Variants in SUMF1 observed in about 807,000 individuals in gnomAD.
SUMF1 encodes the protein formylglycine-generating enzyme.
In SUMF1, 48 loss-of-function variants were observed where a neutral mutation model predicts 47.6. The observed-to-expected ratio is 1.01, with a 90% CI of 0.80 to 1.28. SUMF1 has a LOEUF of 1.28. Ranked by LOEUF, SUMF1 falls within the 50% of genes most tolerant of loss-of-function variation. The probability of loss-of-function intolerance (pLI) is 0.00; values close to 1 mark genes in which losing one functional copy is unlikely to be tolerated. For missense variants in SUMF1, 571 were observed against 485.4 expected (o/e 1.18, Z -1.66); for synonymous variants, 230 against 192.1 (o/e 1.20, Z -1.63).
chr3:4,262,623 G>A (rs565576760), intron 8 of SUMF1, among the ~76,000 whole-genome samples: 1 of 152,148 alleles, frequency 6.6e-6, no homozygotes, highest in East Asian at 1.9e-4. Flanking sequence ...GCAGCTTTAG[G>A]CTTTACATTC....
intron 8 of SUMF1, among the ~76,000 whole-genome samples, chr3:4,166,006 C>T (rs993886780): frequency 1.3e-5 from 2 of 152,050 alleles, no homozygotes; most frequent in Non-Finnish European, 2.9e-5. Context: ...AATAGTTGAG[C>T]TCACCAATGC....
intron 8 of SUMF1, among the ~76,000 whole-genome samples, chr3:4,289,017 C>T (rs573287144): frequency 1.3e-5 from 2 of 152,330 alleles, no homozygotes; most frequent in African/African-American, 4.8e-5. Flanking sequence ...TATCACACAA[C>T]CTTTTCTGCT....
intron 1 of SUMF1, among the ~76,000 whole-genome samples, chr3:4,463,153 T>C (rs2079857247): frequency 6.6e-6 from 1 of 152,174 alleles, no homozygotes. Flanking sequence ...GATTAAAACA[T>C]CTAAAAATGC....
At chr3:4,344,387 C>G (rs1472532087) in intron 8 of SUMF1, among the ~76,000 whole-genome samples, 1 of 152,140 alleles carries the variant, frequency 6.6e-6, no homozygotes, top group Non-Finnish European at 1.5e-5. Context: ...AGGAGCAAAT[C>G]AGACGAATAA....
chr3:4,226,100 C>A (rs562449034), intron 8 of SUMF1, among the ~76,000 whole-genome samples: 4 of 152,036 alleles, frequency 2.6e-5, no homozygotes, highest in Non-Finnish European at 5.9e-5. Flanking sequence ...TACATAGGAT[C>A]TACCCGCTCG....
At chr3:4,243,418 T>C (rs1031241038) in intron 8 of SUMF1, among the ~76,000 whole-genome samples, 45 of 152,372 alleles carry the variant, frequency 3.0e-4, no homozygotes, top group African/African-American at 9.9e-4. Context: ...AATTTCCCTC[T>C]ATACACTGCT....
chr3:4,074,124 A>C (rs1040846767), intron 8 of SUMF1, among the ~76,000 whole-genome samples: 1 of 152,202 alleles, frequency 6.6e-6, no homozygotes, highest in Non-Finnish European at 1.5e-5. Flanking sequence ...AAGAACAGAA[A>C]TCACAACAAA....
At chr3:4,232,655 T>C (rs1321639964) in intron 8 of SUMF1, among the ~76,000 whole-genome samples, 1 of 152,052 alleles carries the variant, frequency 6.6e-6, no homozygotes, top group Non-Finnish European at 1.5e-5. Context: ...GTATCTGTAT[T>C]TGTTTGGTTA....
At position 4,344,900 on chromosome 3, in the gene SUMF1, T is replaced by C. The variant is rs114497673; in HGVS notation, c.1014+31430A>G. ...TTCGTGAAGCATACACAAGTGTCAA[T>C]AGCCAAATACAGCAAGCGGAAGAAA... On this transcript the variant is annotated intron_variant and NMD_transcript_variant, in intron 8 of 12. Transcript: ENST00000448413. Among the ~76,000 whole-genome samples the C allele has an allele frequency of 4.8e-3, 734 of 151,910 alleles. 7 individuals carry two copies. The highest frequency in any genetic ancestry group is 0.017 in the African/African-American group (707 of 41,428).
intron 8 of SUMF1, among the ~76,000 whole-genome samples, chr3:4,293,488 C>A (rs1003783987): frequency 6.6e-6 from 1 of 152,186 alleles, no homozygotes; most frequent in African/African-American, 2.4e-5. Context: ...GAAATCACTT[C>A]TATGACCATT....
At position 4,351,484 on chromosome 3, in the gene SUMF1, C is replaced by G. The variant is rs191574802; in HGVS notation, c.1014+24846G>C. On this transcript the variant is annotated intron_variant and NMD_transcript_variant, in intron 8 of 12. Coordinates refer to the SUMF1 transcript ENST00000448413. The stretch of plus-strand genomic sequence containing the variant: ...GACGCAGCACACTTTTCCTTTCATT[C>G]TTCACACACTGATCTCAGTCGTCTT... 7.9e-3 allele frequency among the ~76,000 whole-genome samples: 1,198 copies of G among 152,306 alleles called. 14 individuals are homozygous for G. The highest frequency in any genetic ancestry group is 0.028 in the African/African-American group (1,152 of 41,550).
chr3:4,279,136 G>A (rs1697479405), intron 8 of SUMF1, among the ~76,000 whole-genome samples: 1 of 152,050 alleles, frequency 6.6e-6, no homozygotes, highest in Non-Finnish European at 1.5e-5. Flanking sequence ...ATGCAACCCT[G>A]CATGACTAAG....
At chr3:4,072,979 A>G (rs1489171492) in intron 8 of SUMF1, among the ~76,000 whole-genome samples, 1 of 152,198 alleles carries the variant, frequency 6.6e-6, no homozygotes, top group Non-Finnish European at 1.5e-5. Flanking sequence ...CAGGAAATAT[A>G]GAGAACACCA....
intron 8 of SUMF1, among the ~76,000 whole-genome samples, chr3:4,174,978 G>T (rs1694926173): frequency 6.6e-6 from 1 of 152,210 alleles, no homozygotes; most frequent in African/African-American, 2.4e-5. Context: ...GCCGGGCTGG[G>T]GGAGGGGCGT....
At chr3:4,162,882 G>C (rs1022018322) in intron 8 of SUMF1, among the ~76,000 whole-genome samples, 16 of 149,220 alleles carry the variant, frequency 1.1e-4, no homozygotes, top group African/African-American at 3.2e-4. Flanking sequence ...CTTCTACTCA[G>C]CCATCTCACT....
intron 8 of SUMF1, among the ~76,000 whole-genome samples, chr3:4,077,923 C>G (rs1692475008): frequency 6.6e-6 from 1 of 151,778 alleles, no homozygotes; most frequent in African/African-American, 2.4e-5. Context: ...CATGCTAAGT[C>G]AAGAGAAAGA....
intron 1 of SUMF1, among the ~76,000 whole-genome samples, chr3:4,458,608 C>A (rs1009180434): frequency 2.6e-5 from 4 of 152,166 alleles, no homozygotes; most frequent in Non-Finnish European, 4.4e-5. Context: ...GTAATCCCAG[C>A]ACTTTGGGAG....
chr3:4,448,587 G>T (rs1348974923), intron 3 of SUMF1, among the ~76,000 whole-genome samples: 1 of 152,136 alleles, frequency 6.6e-6, no homozygotes, highest in African/African-American at 2.4e-5. Flanking sequence ...AGACATGTAA[G>T]CAAGCAAATA....
chr3:4,289,339 G>A (rs1697695921), intron 8 of SUMF1, among the ~76,000 whole-genome samples: 1 of 152,158 alleles, frequency 6.6e-6, no homozygotes, highest in Non-Finnish European at 1.5e-5. Context: ...TAAATCTCCA[G>A]GACAATCCTA....
Sources: gnomAD v4.1 joint callset for allele counts (sites outside exome capture counted in the v4.1 genomes callset) on GRCh38, gnomAD v4.1.1 for gene constraint, MANE v1.5 for transcripts, NCBI Gene and HGNC (gene_info 2026-07-23, HGNC 2026-07-21) for gene names.